Variants in SMC2 observed in about 807,000 individuals in gnomAD.
SMC2 encodes the protein structural maintenance of chromosomes 2.
SMC2 carries 41 observed loss-of-function variants against 142.6 expected under a neutral mutation model. The ratio of observed to expected loss-of-function variants is 0.29; its 90% CI spans 0.22 to 0.37. SMC2 has a LOEUF of 0.37. Among genes scored for constraint, SMC2 ranks in the 10% least tolerant of loss-of-function variants. The pLI is 1.00. For missense variants in SMC2, 1,265 were observed against 1,373.7 expected (o/e 0.92, Z 1.25); for synonymous variants, 463 against 457.5 (o/e 1.01, Z -0.15).
At chr9:104,105,185 ACCC>A (rs1831613559) in intron 9 of SMC2, among the ~76,000 whole-genome samples, 1 of 152,188 alleles carries the variant, frequency 6.6e-6, no homozygotes, top group South Asian at 2.1e-4. Flanking sequence ...AAGCACTTAA[ACCC>A]AGAGTCAGTA....
chr9:104,138,874 G>T (rs763105425), intron 24 of SMC2, among the ~76,000 whole-genome samples: 1 of 152,054 alleles, frequency 6.6e-6, no homozygotes, highest in Non-Finnish European at 1.5e-5. Flanking sequence ...AGCAGCTTTA[G>T]TTAGCAACAA....
At chr9:104,088,980 T>TAA in the SMC2 span, among the ~76,000 whole-genome samples, 1 of 146,704 alleles carries the variant, frequency 6.8e-6, no homozygotes. Flanking sequence ...TCACAACAGT[T>TAA]AAAAAAAAAA....
Position 104,102,412 on chromosome 9 carries a change from A to AT in SMC2, c.871-8dup, listed in dbSNP as rs763422141. 6 of 1,587,492 alleles carry AT rather than the reference A, an allele frequency of 3.8e-6. No individual in the cohort carries two copies. Among genetic ancestry groups the AT allele is most frequent in the Non-Finnish European group, 5.1e-6 (6 of 1,170,016 alleles). ...TTACATAAGTGATTGAATTGACTGCATTTTGTTATAGGAAACTGGAGGTAT... is the reference window on the plus strand; with the variant it reads ...TTACATAAGTGATTGAATTGACTGCATTTTTGTTATAGGAAACTGGAGGTAT... On this transcript the variant is annotated splice_polypyrimidine_tract_variant and intron_variant, in intron 8 of 24. Coordinates refer to ENST00000374793, the MANE Select transcript of SMC2 (RefSeq NM_006444.3).
intron 3 of SMC2, among the ~76,000 whole-genome samples, chr9:104,096,869 C>T (rs908585190): frequency 6.6e-6 from 1 of 152,304 alleles, no homozygotes; most frequent in Admixed American, 6.5e-5. Context: ...ACCAAGTATG[C>T]TCCAGTTTCC....
Position 104,138,079 on chromosome 9 carries a change from A to G in SMC2, c.3331A>G (p.Ile1111Val). ...TCTCTTCAAACCTGCTCCAATTTAT[A>G]TCCTTGATGAGGTAGATGCAGCCTT... ...MLLFKPAPIY[I>V]LDEVDAALDL... The change falls in exon 24 of 25, where the codon ATC becomes GTC. Residue 1111 changes from isoleucine (I) to valine (V), a missense_variant. Ile to Val is a conservative substitution (Grantham distance 29). Coordinates refer to ENST00000374793, the MANE Select transcript of SMC2 (RefSeq NM_006444.3). 1 of 1,610,306 alleles carries G rather than the reference A, an allele frequency of 6.2e-7. No individual in the cohort carries two copies. The highest frequency in any genetic ancestry group is 8.5e-7 in the Non-Finnish European group (1 of 1,177,542).
intron 10 of SMC2, among the ~76,000 whole-genome samples, chr9:104,113,019 C>G (rs1832666400): frequency 6.6e-6 from 1 of 152,060 alleles, no homozygotes; most frequent in Non-Finnish European, 1.5e-5. Context: ...TTACCAGCTA[C>G]TGACAGTTAT....
intron 23 of SMC2, 38 bp from the exon 24 acceptor site, chr9:104,137,980 A>G (rs140566802): frequency 2.0e-6 from 3 of 1,479,670 alleles, no homozygotes; most frequent in Non-Finnish European, 2.7e-6. Context: ...AAGTGATAAA[A>G]TCAAATTTTT....
chr9:104,091,083 T>G (rs1829976165), upstream of SMC2, among the ~76,000 whole-genome samples: 1 of 152,220 alleles, frequency 6.6e-6, no homozygotes, highest in African/African-American at 2.4e-5. Flanking sequence ...TTTGCAAGTT[T>G]GTCAAACAGG....
At position 104,123,106 on chromosome 9, in the gene SMC2, A is replaced by C. The variant is rs1350955645; in HGVS notation, c.2133-2A>C. 1 of 1,597,472 alleles carries C rather than the reference A, an allele frequency of 6.3e-7. No homozygotes were observed. Among genetic ancestry groups the C allele is most frequent in the East Asian group, 2.2e-5 (1 of 44,538 alleles). On this transcript the variant is annotated splice_acceptor_variant, in intron 16 of 24. Coordinates refer to ENST00000374793, the MANE Select transcript of SMC2 (RefSeq NM_006444.3). LOFTEE classifies it high-confidence loss of function. ...TTTCTTACATGTTTCTGTTTTTGTA[A>C]GGTATCGCCAACTAAAACAGCAGTG...
intron 17 of SMC2, among the ~76,000 whole-genome samples, chr9:104,123,746 CTTTTTTGGCTATGTACTGGT>C (rs963071458): frequency 2.1e-4 from 32 of 152,036 alleles, no homozygotes; most frequent in African/African-American, 7.7e-4. Context: ...CTTTTACCAT[CTTTTTTGGCTATGTACTGGT>C]CTTTTAATTT....
Position 104,099,654 on chromosome 9 carries a change from C to A in SMC2, c.452C>A (p.Thr151Lys), listed in dbSNP as rs1479378211. 1.3e-6 allele frequency: 2 copies of A among 1,570,870 alleles called. No individual in the cohort carries two copies. The highest frequency in any genetic ancestry group is 1.7e-5 in the Admixed American group (1 of 59,772). Residue 151 changes from threonine to lysine, a missense_variant, in exon 5 of 25, where the codon ACA becomes AAA. Thr to Lys is a moderately conservative substitution (Grantham distance 78). This residue lies in a region of SMC2 where 168 missense variants were observed against 184.8 expected (regional missense o/e 0.91). Transcript: ENST00000374793. Reference protein sequence around the residue: ...PHFLIMQGRITKVLNMKPPEI... With the variant: ...PHFLIMQGRIKKVLNMKPPEI... ...CTATTTTATTTTCAGGGCCGAATTA[C>A]AAAAGTATTGAATATGAAACCTCCA... is the stretch of plus-strand genomic sequence containing the variant.
intron 23 of SMC2, 26 bp downstream of exon 23, chr9:104,134,601 A>T: frequency 6.8e-7 from 1 of 1,471,060 alleles, no homozygotes; most frequent in South Asian, 1.3e-5. Flanking sequence ...GCTATATTAT[A>T]ATTTTCATTC....
intron 22 of SMC2, among the ~76,000 whole-genome samples, chr9:104,132,957 A>G (rs749672545): frequency 4.8e-4 from 73 of 152,022 alleles, no homozygotes; most frequent in Middle Eastern, 3.4e-3. Context: ...AGCCAGTAAC[A>G]TTTATTCAGT....
At chr9:104,095,906 T>C (rs946050159) in intron 2 of SMC2, among the ~76,000 whole-genome samples, 3 of 152,200 alleles carry the variant, frequency 2.0e-5, no homozygotes, top group Non-Finnish European at 4.4e-5. Context: ...AGTAACTTTT[T>C]ATTAAAAAAT....
chr9:104,126,981 C>T (rs974312648), intron 19 of SMC2, among the ~76,000 whole-genome samples, 197 bp downstream of exon 19: 2 of 151,992 alleles, frequency 1.3e-5, no homozygotes, highest in East Asian at 1.9e-4. Context: ...AGTCCCTCTT[C>T]TTCCTCACTT....
At chr9:104,121,402 G>A (rs1833721188) in intron 16 of SMC2, among the ~76,000 whole-genome samples, 1 of 152,084 alleles carries the variant, frequency 6.6e-6, no homozygotes, top group Non-Finnish European at 1.5e-5. Context: ...AGGCTGAGGT[G>A]GGTGGATTGT....
At chr9:104,107,714 C>T (rs1471466691) in intron 9 of SMC2, among the ~76,000 whole-genome samples, 1 of 152,210 alleles carries the variant, frequency 6.6e-6, no homozygotes, top group African/African-American at 2.4e-5. Flanking sequence ...GCTTTCTGTC[C>T]AAGTGACCTT....
chr9:104,100,510 G>A (rs1032807488), intron 7 of SMC2, 77 bp downstream of exon 7: 3 of 924,354 alleles, frequency 3.2e-6, no homozygotes, highest in Non-Finnish European at 5.0e-6. Context: ...CATACACATA[G>A]TGATACTATT....
upstream of SMC2, among the ~76,000 whole-genome samples, chr9:104,094,049 G>A (rs1228159666): frequency 1.3e-5 from 2 of 151,956 alleles, no homozygotes; most frequent in African/African-American, 2.4e-5. Flanking sequence ...CTGGCGAAGC[G>A]CGAGGACCCG....
Sources: gnomAD v4.1 joint callset for allele counts (sites outside exome capture counted in the v4.1 genomes callset) on GRCh38, gnomAD v4.1.1 for gene constraint, gnomAD v4.1.1 regional missense constraint, MANE v1.5 for transcripts, NCBI Gene and HGNC (gene_info 2026-07-23, HGNC 2026-07-21) for gene names.